The following MYO16 variants were observed in gnomAD, a reference collection of about 807,000 sequenced individuals.
The protein encoded by MYO16 is unconventional myosin-XVI.
MYO16 carries 94 observed loss-of-function variants against 205.3 expected under a neutral mutation model. That is an observed-to-expected ratio of 0.46 (90% confidence interval 0.39 to 0.54). The LOEUF (loss-of-function observed/expected upper bound fraction) is 0.54. Ranked by LOEUF, MYO16 falls within the 20% of genes least tolerant of loss-of-function variation. MYO16 has a pLI of 0.00. For missense variants in MYO16, 2,315 were observed against 2,387.5 expected (o/e 0.97, Z 0.63); for synonymous variants, 988 against 954.0 (o/e 1.04, Z -0.66).
chr13:108,695,308 C>A (rs1232704337), intron 2 of MYO16, among the ~76,000 whole-genome samples: 1 of 152,086 alleles, frequency 6.6e-6, no homozygotes, highest in Non-Finnish European at 1.5e-5. Context: ...ATCTTGGAAC[C>A]CTTGTTGAAA....
intron 23 of MYO16, among the ~76,000 whole-genome samples, chr13:109,030,669 G>A (rs1886519306): frequency 1.3e-5 from 2 of 151,892 alleles, no homozygotes; most frequent in African/African-American, 4.8e-5. Context: ...GCACATACAC[G>A]ATGATTCCCA....
chr13:109,186,970 A>G (rs1879714980), intron 34 of MYO16, among the ~76,000 whole-genome samples: 1 of 152,218 alleles, frequency 6.6e-6, no homozygotes, highest in Admixed American at 6.5e-5. Context: ...AAAAGGTTAA[A>G]CCAATGTATG....
intron 2 of MYO16, among the ~76,000 whole-genome samples, chr13:108,686,090 G>A (rs192216376): frequency 7.5e-4 from 114 of 152,340 alleles, no homozygotes; most frequent in Non-Finnish European, 1.2e-3. Context: ...GTTTCAGGAC[G>A]TAGCAGAGCT....
chr13:109,079,852 T>C (rs1163751216), intron 27 of MYO16, among the ~76,000 whole-genome samples: 1 of 151,562 alleles, frequency 6.6e-6, no homozygotes, highest in Non-Finnish European at 1.5e-5. Flanking sequence ...ATGATGGTTT[T>C]GTTTGAACAC....
At chr13:108,984,810 A>G (rs1486806591) in intron 20 of MYO16, among the ~76,000 whole-genome samples, 1 of 152,146 alleles carries the variant, frequency 6.6e-6, no homozygotes, top group African/African-American at 2.4e-5. Context: ...TCTCCTTTCA[A>G]GCCTATCCTT....
chr13:109,197,502 C>G (rs1347640808), intron 34 of MYO16, among the ~76,000 whole-genome samples: 1 of 152,158 alleles, frequency 6.6e-6, no homozygotes, highest in Non-Finnish European at 1.5e-5. Flanking sequence ...TCCCTTTAAA[C>G]TCTCTAAGCA....
intron 34 of MYO16, among the ~76,000 whole-genome samples, chr13:109,195,879 G>T (rs1018752901): frequency 2.0e-5 from 3 of 152,106 alleles, no homozygotes; most frequent in Non-Finnish European, 4.4e-5. Context: ...AGAAATTGAA[G>T]AAATTTTATA....
chr13:109,076,508 C>T (rs1368510327), intron 27 of MYO16, among the ~76,000 whole-genome samples: 2 of 152,158 alleles, frequency 1.3e-5, no homozygotes, highest in African/African-American at 2.4e-5. Context: ...CAGGAGAAGC[C>T]TCTACTTCAG....
At chr13:108,760,224 A>G (rs1044009430) in intron 4 of MYO16, among the ~76,000 whole-genome samples, 3 of 152,240 alleles carry the variant, frequency 2.0e-5, no homozygotes, top group South Asian at 4.1e-4. Context: ...AAAGGGTGAA[A>G]CAGCAGCAAT....
intron 27 of MYO16, among the ~76,000 whole-genome samples, chr13:109,073,589 C>G (rs895972451): frequency 6.6e-6 from 1 of 152,066 alleles, no homozygotes; most frequent in Non-Finnish European, 1.5e-5. Context: ...AGACAAGTAC[C>G]TGCTGATGTA....
chr13:108,637,112 C>T (rs1594164144), intron 1 of MYO16, among the ~76,000 whole-genome samples: 3 of 152,258 alleles, frequency 2.0e-5, no homozygotes, highest in East Asian at 1.9e-4. Context: ...TATATAAAAT[C>T]GTAAACTTAT....
chr13:108,867,797 A>T (rs1476329621), intron 12 of MYO16, among the ~76,000 whole-genome samples: 1 of 152,202 alleles, frequency 6.6e-6, no homozygotes. Flanking sequence ...AGGATCATAG[A>T]TGTCTCCCAT....
the MYO16 span, among the ~76,000 whole-genome samples, chr13:108,550,124 C>G: frequency 1.3e-5 from 2 of 152,360 alleles, no homozygotes; most frequent in Admixed American, 6.5e-5. Context: ...AGCATCTGAG[C>G]AATGCAGAGA....
intron 23 of MYO16, chr13:109,028,539 A>G: frequency 6.3e-6 from 1 of 159,188 alleles, no homozygotes; most frequent in Non-Finnish European, 1.4e-5. Flanking sequence ...ATGTTACTGC[A>G]CATTTTAAAA....
intron 1 of MYO16, among the ~76,000 whole-genome samples, chr13:108,659,198 A>ATATG (rs1555336130): frequency 7.5e-5 from 11 of 146,882 alleles, no homozygotes; most frequent in Non-Finnish European, 1.5e-4. Flanking sequence ...GTGTATATAT[A>ATATG]TGTGTGTGTG....
intron 7 of MYO16, 112 bp from the exon 8 acceptor site, chr13:108,820,225 T>A: frequency 1.4e-6 from 1 of 699,756 alleles, no homozygotes; most frequent in Non-Finnish European, 2.4e-6. Context: ...TGAGTGGGAA[T>A]GCTGATACTG....
chr13:109,006,180 G>A (rs1885381135), intron 21 of MYO16, among the ~76,000 whole-genome samples: 1 of 152,174 alleles, frequency 6.6e-6, no homozygotes. Flanking sequence ...GGGATATGTG[G>A]AAAAGAGGAA....
At chr13:108,554,848 TAAAAA>T in the MYO16 span, among the ~76,000 whole-genome samples, 2 of 77,966 alleles carry the variant, frequency 2.6e-5, no homozygotes, top group Non-Finnish European at 2.5e-5. Context: ...AGACTCTGAC[TAAAAA>T]AAAAAAAAAA....
At chr13:108,542,380 G>A in the MYO16 span, among the ~76,000 whole-genome samples, 1 of 152,102 alleles carries the variant, frequency 6.6e-6, no homozygotes, top group Admixed American at 6.6e-5. Flanking sequence ...CTTAGTATCT[G>A]CGTGATGAAA....
Sources: allele counts gnomAD v4.1 joint callset (sites outside exome capture counted in the v4.1 genomes callset), GRCh38; gene constraint gnomAD v4.1.1; transcripts MANE v1.5; gene names NCBI Gene and HGNC (gene_info 2026-07-23, HGNC 2026-07-21).